LHFPL3: variants seen among roughly 807,000 people sequenced by gnomAD.
LHFPL3 encodes the protein LHFPL tetraspan subfamily member 3 protein.
In LHFPL3, 5 loss-of-function variants were observed where a neutral mutation model predicts 19.3. The ratio of observed to expected loss-of-function variants is 0.26; its 90% CI spans 0.14 to 0.54. The LOEUF is 0.54. LHFPL3 is among the 20% of genes least tolerant of loss of function. The pLI is 0.94. For synonymous variants in LHFPL3, 133 were observed against 126.2 expected, an observed-to-expected ratio of 1.05 and a Z score of -0.36; for missense variants, 249 against 307.4, an observed-to-expected ratio of 0.81 and a Z score of 1.42.
At chr7:104,446,284 A>G (rs1792328869) in intron 1 of LHFPL3, among the ~76,000 whole-genome samples, 1 of 152,222 alleles carries the variant, frequency 6.6e-6, no homozygotes. Flanking sequence ...AAAAACAAAT[A>G]TAAAAACACA....
chr7:104,736,821 T>G lies in LHFPL3; in HGVS notation c.592T>G (p.Leu198Val), dbSNP rs751198716. ...ATACATCCTGGCTATTATTGGAATT[T>G]TGGATGCCCTGATCCTCTCATTTCT... is the stretch of plus-strand genomic sequence containing the variant. The part of the protein sequence containing the change: ...WAYILAIIGI[L>V]DALILSFLAF... The change falls in exon 2 of 3, where the codon TTG (leucine) becomes GTG (valine). Residue 198 changes from leucine (L) to valine (V), a missense_variant. By Grantham distance (32) the Leu-to-Val change is conservative. Transcript: ENST00000424859. 70 of 1,613,172 alleles carry G rather than the reference T, an allele frequency of 4.3e-5. No individual in the cohort carries two copies. Among genetic ancestry groups the G allele is most frequent in the Non-Finnish European group, 5.6e-5 (66 of 1,179,680 alleles).
At chr7:104,530,669 A>G (rs1026721253) in intron 1 of LHFPL3, among the ~76,000 whole-genome samples, 4 of 152,220 alleles carry the variant, frequency 2.6e-5, no homozygotes, top group Admixed American at 6.5e-5. Context: ...GACAACTGCA[A>G]CATATTTTGG....
At chr7:104,716,274 G>A (rs189460380) in intron 1 of LHFPL3, among the ~76,000 whole-genome samples, 22 of 152,096 alleles carry the variant, frequency 1.4e-4, no homozygotes, top group African/African-American at 5.3e-4. Context: ...TTGAACCCAA[G>A]AGGCAAAGGT....
chr7:104,647,071 G>A (rs1480053208), intron 1 of LHFPL3, among the ~76,000 whole-genome samples: 3 of 152,176 alleles, frequency 2.0e-5, no homozygotes, highest in Admixed American at 6.5e-5. Context: ...AGGACAGTCT[G>A]GAAGTCTCAA....
intron 1 of LHFPL3, among the ~76,000 whole-genome samples, chr7:104,495,757 A>C (rs1793461718): frequency 6.6e-6 from 1 of 152,090 alleles, no homozygotes; most frequent in South Asian, 2.1e-4. Flanking sequence ...TCCCGGCCTC[A>C]AGTGATTCTC....
At chr7:104,897,356 G>A (rs1182222384) in intron 2 of LHFPL3, among the ~76,000 whole-genome samples, 1 of 152,194 alleles carries the variant, frequency 6.6e-6, no homozygotes, top group Non-Finnish European at 1.5e-5. Flanking sequence ...GGACTCTGCA[G>A]TCCGCTTCCC....
intron 2 of LHFPL3, among the ~76,000 whole-genome samples, chr7:104,787,568 T>A (rs773006084): frequency 2.0e-5 from 3 of 152,210 alleles, no homozygotes; most frequent in Non-Finnish European, 4.4e-5. Flanking sequence ...ATCTCTTTTT[T>A]GTGACAAGGT....
chr7:104,649,822 C>T (rs932197474), intron 1 of LHFPL3, among the ~76,000 whole-genome samples: 1 of 152,142 alleles, frequency 6.6e-6, no homozygotes, highest in Non-Finnish European at 1.5e-5. Flanking sequence ...ACTTAAGATG[C>T]TGTCACAGCA....
chr7:104,558,517 G>C (rs1351433121), intron 1 of LHFPL3, among the ~76,000 whole-genome samples: 1 of 152,016 alleles, frequency 6.6e-6, no homozygotes, highest in Admixed American at 6.5e-5. Flanking sequence ...CCCACTTTTT[G>C]ATGGGGTTGT....
At chr7:104,329,594 C>A (rs1355984576) in intron 1 of LHFPL3, among the ~76,000 whole-genome samples, 1 of 152,196 alleles carries the variant, frequency 6.6e-6, no homozygotes, top group African/African-American at 2.4e-5. Context: ...TAAGGAGGGA[C>A]TGACAGGGCG....
At chr7:104,715,876 G>C (rs542754902) in intron 1 of LHFPL3, among the ~76,000 whole-genome samples, 1 of 152,270 alleles carries the variant, frequency 6.6e-6, no homozygotes, top group South Asian at 2.1e-4. Flanking sequence ...GTCTTTGCCT[G>C]GCTTTGGCGT....
chr7:104,513,671 C>A (rs1198462003), intron 1 of LHFPL3, among the ~76,000 whole-genome samples: 1 of 152,176 alleles, frequency 6.6e-6, no homozygotes, highest in Non-Finnish European at 1.5e-5. Context: ...CTAGTATTCA[C>A]CCTCCTCCTG....
chr7:104,606,930 TTCA>T (rs1791113578), intron 1 of LHFPL3, among the ~76,000 whole-genome samples: 2 of 151,672 alleles, frequency 1.3e-5, no homozygotes, highest in Non-Finnish European at 2.9e-5. Flanking sequence ...TGCAGGAGGG[TTCA>T]GTTAGAAAAA....
chr7:104,356,470 C>G (rs139306536), intron 1 of LHFPL3, among the ~76,000 whole-genome samples: 55 of 152,110 alleles, frequency 3.6e-4, no homozygotes, highest in Non-Finnish European at 6.3e-4. Flanking sequence ...TTGTCATTGT[C>G]AGAAGTAGTT....
intron 2 of LHFPL3, among the ~76,000 whole-genome samples, chr7:104,821,257 C>T (rs1392310309): frequency 2.6e-5 from 4 of 152,174 alleles, no homozygotes; most frequent in Non-Finnish European, 5.9e-5. Flanking sequence ...TCTGCATCCT[C>T]CTGCTCTCAG....
intron 2 of LHFPL3, among the ~76,000 whole-genome samples, chr7:104,857,269 G>GC (rs59711412): frequency 1 from 152,318 of 152,318 alleles, 76,159 homozygotes; most frequent in Non-Finnish European, 1. Context: ...ATAAGGCGGG[G>GC]CAGGAAATGA....
chr7:104,457,050 A>G (rs1337813804), intron 1 of LHFPL3, among the ~76,000 whole-genome samples: 2 of 152,176 alleles, frequency 1.3e-5, no homozygotes, highest in African/African-American at 4.8e-5. Context: ...TGAGATGATA[A>G]AAAATATACA....
intron 2 of LHFPL3, among the ~76,000 whole-genome samples, chr7:104,821,039 C>T (rs1274029150): frequency 6.6e-6 from 1 of 152,124 alleles, no homozygotes; most frequent in African/African-American, 2.4e-5. Flanking sequence ...CCCAAAGTCA[C>T]GCCTGTACTG....
At chr7:104,782,942 A>G (rs1789841828) in intron 2 of LHFPL3, among the ~76,000 whole-genome samples, 1 of 152,244 alleles carries the variant, frequency 6.6e-6, no homozygotes, top group Admixed American at 6.5e-5. Flanking sequence ...ACAAGTGCGC[A>G]CGCGCGCACA....
Sources: gnomAD v4.1 joint callset for allele counts (sites outside exome capture counted in the v4.1 genomes callset) on GRCh38, gnomAD v4.1.1 for gene constraint, MANE v1.5 for transcripts, NCBI Gene and HGNC (gene_info 2026-07-23, HGNC 2026-07-21) for gene names.